PLEKHA7: variants seen among roughly 807,000 people sequenced by gnomAD.
PLEKHA7 encodes pleckstrin homology domain containing A7, also known as pleckstrin homology domain-containing family A member 7.
In PLEKHA7, 104 loss-of-function variants were observed where a neutral mutation model predicts 170.0. The ratio of observed to expected loss-of-function variants is 0.61; its 90% confidence interval spans 0.52 to 0.72. The LOEUF (loss-of-function observed/expected upper bound fraction) is 0.72, where lower values mean the gene tolerates loss of function less well. Among genes scored for constraint, PLEKHA7 ranks in the 30% least tolerant of loss-of-function variants. The pLI, the probability that PLEKHA7 is intolerant of heterozygous loss-of-function variation, is 0.00. For missense variants in PLEKHA7, 1,615 were observed against 1,671.7 expected, an observed-to-expected ratio of 0.97 and a Z score of 0.59; for synonymous variants, 648 against 660.8, an observed-to-expected ratio of 0.98 and a Z score of 0.30.
Position 16,988,993 on chromosome 11 carries a change from A to G in PLEKHA7, c.221+24996T>C, listed in dbSNP as rs1412528623. ...TTGGGAGACAAGGTTTCCAGTGCCC[A>G]TCACAGTCAACCCTTCAGAAGGACC... On this transcript the variant is annotated intron_variant, in intron 3 of 26. Transcript: ENST00000531066. Among the ~76,000 whole-genome samples, 5 of 152,306 alleles carry G rather than the reference A, an allele frequency of 3.3e-5. No individual in the cohort carries two copies. In the South Asian group the frequency reaches 6.2e-4, roughly 19 times the overall value.
chr11:17,013,777 C>T (rs1865473111), intron 3 of PLEKHA7, among the ~76,000 whole-genome samples: 1 of 152,178 alleles, frequency 6.6e-6, no homozygotes, highest in African/African-American at 2.4e-5. Context: ...CCCCCCGGCC[C>T]AGGTCCCCAG....
intron 3 of PLEKHA7, among the ~76,000 whole-genome samples, chr11:16,990,287 A>AAAAAAAAACC (rs1554992443): frequency 3.6e-5 from 4 of 111,250 alleles, no homozygotes; most frequent in Admixed American, 1.1e-4. Context: ...AAAAAAAAAA[A>AAAAAAAAACC]AAAAAAAAAA....
At chr11:16,980,718 T>C (rs1247509805) in intron 3 of PLEKHA7, among the ~76,000 whole-genome samples, 2 of 150,428 alleles carry the variant, frequency 1.3e-5, no homozygotes, top group Non-Finnish European at 1.5e-5. Context: ...AGGTCAAGAG[T>C]TGAGACCAGC....
In PLEKHA7 at chr11:17,009,828, C is replaced by T. The variant is rs550047316; in HGVS notation, c.221+4161G>A. Among the ~76,000 whole-genome samples, 4 of 152,074 alleles carry T rather than the reference C, an allele frequency of 2.6e-5. 1 individual carries two copies. In the East Asian group the frequency reaches 7.8e-4, roughly 30 times the overall value. On this transcript the variant is annotated intron_variant, in intron 3 of 26. Coordinates refer to ENST00000531066, the MANE Select transcript of PLEKHA7 (RefSeq NM_001329630.2). ...ATTTTTTGTACAGATGAGGCCTCTC[C>T]GTGTTGCCCAGGCTGATCTTGAACT...
At chr11:16,844,541 T>C (rs1356399877) in intron 8 of PLEKHA7, among the ~76,000 whole-genome samples, 1 of 152,226 alleles carries the variant, frequency 6.6e-6, no homozygotes, top group Non-Finnish European at 1.5e-5. Flanking sequence ...CCTGCCCTAG[T>C]CTCAACTCAG....
intron 3 of PLEKHA7, among the ~76,000 whole-genome samples, chr11:16,877,378 C>T (rs1378541178): frequency 6.6e-6 from 1 of 152,136 alleles, no homozygotes; most frequent in Non-Finnish European, 1.5e-5. Flanking sequence ...TCTTCTTCAC[C>T]TTCAGCTCCA....
At chr11:16,985,907 G>A (rs770396768) in intron 3 of PLEKHA7, among the ~76,000 whole-genome samples, 50 of 152,330 alleles carry the variant, frequency 3.3e-4, no homozygotes, top group Non-Finnish European at 4.7e-4. Context: ...ACAAATGAAT[G>A]AAAGCACTGC....
chr11:16,794,608 G>C lies in PLEKHA7; in HGVS notation c.2625C>G (p.Thr875=). Residue 875 remains threonine, a synonymous_variant, in exon 19 of 27, where the codon ACC becomes ACG. Coordinates refer to ENST00000531066, the MANE Select transcript of PLEKHA7 (RefSeq NM_001329630.2). ...GGGGGAAGAGTCGAACCTCCAGAGG[G>C]GTCCGCACAGGGCTGGTGGGAGGAC... ...QPSPPTSPVR[T]PLEVRLFPQL... The C allele has an allele frequency of 6.2e-7, 1 of 1,613,686 alleles. No individual in the cohort carries two copies. Among genetic ancestry groups the C allele is most frequent in the Non-Finnish European group, 8.5e-7 (1 of 1,179,822 alleles).
At chr11:16,967,021 T>A (rs1183964399) in intron 3 of PLEKHA7, among the ~76,000 whole-genome samples, 1 of 152,214 alleles carries the variant, frequency 6.6e-6, no homozygotes, top group Admixed American at 6.5e-5. Flanking sequence ...TAGGGCCTCC[T>A]GGAAAGGCCA....
intron 6 of PLEKHA7, among the ~76,000 whole-genome samples, chr11:16,854,056 G>A (rs971095996): frequency 1.4e-4 from 22 of 152,202 alleles, no homozygotes; most frequent in Admixed American, 1.3e-3. Flanking sequence ...TGAGTTCCTC[G>A]AGGGCAGGAA....
rs1204588697 is a variant in PLEKHA7 at position 16,796,120 on chromosome 11, A to G, written c.2410-1102T>C. On this transcript the variant is annotated intron_variant, in intron 17 of 26. Transcript: ENST00000531066. Reference sequence around the variant, plus strand: ...ATGATCTGCCTGCCTCGGCCTCCCAAAGTACTGGGATTACAGGCGTGAGCC... The same window carrying G: ...ATGATCTGCCTGCCTCGGCCTCCCAGAGTACTGGGATTACAGGCGTGAGCC... Among the ~76,000 whole-genome samples, 12 of 152,124 alleles carry G rather than the reference A, an allele frequency of 7.9e-5. No homozygotes were observed. In the South Asian group the frequency reaches 2.5e-3, roughly 32 times the overall value.
rs568314408 is a variant in PLEKHA7 at position 16,990,409 on chromosome 11, C to T, written c.221+23580G>A. 9.3e-4 allele frequency among the ~76,000 whole-genome samples: 142 copies of T among 152,052 alleles called. 2 individuals carry two copies. In the South Asian group the frequency reaches 0.028, roughly 30 times the overall value. ...GGCTCCACCTTATACAGCACTCGTA[C>T]CTCACCATCTGTGCTACACTTGAGG... On this transcript the variant is annotated intron_variant, in intron 3 of 26. Transcript: ENST00000531066.
At chr11:16,905,289 A>G (rs1178906002) in intron 3 of PLEKHA7, among the ~76,000 whole-genome samples, 4 of 152,140 alleles carry the variant, frequency 2.6e-5, no homozygotes, top group Non-Finnish European at 4.4e-5. Flanking sequence ...AATAAAATAA[A>G]TGTTATTTCC....
intron 6 of PLEKHA7, among the ~76,000 whole-genome samples, chr11:16,854,510 G>A (rs936219836): frequency 3.9e-5 from 6 of 152,046 alleles, no homozygotes; most frequent in Admixed American, 6.6e-5. Flanking sequence ...AAGGGGGAGA[G>A]GAAAAGATGA....
At chr11:16,962,566 T>C (rs1270854011) in intron 3 of PLEKHA7, among the ~76,000 whole-genome samples, 1 of 152,166 alleles carries the variant, frequency 6.6e-6, no homozygotes, top group East Asian at 1.9e-4. Context: ...GTTCAAGCGA[T>C]TCTCCTGCCT....
chr11:16,949,558 A>G (rs1861273479), intron 3 of PLEKHA7, among the ~76,000 whole-genome samples: 1 of 152,240 alleles, frequency 6.6e-6, no homozygotes, highest in Non-Finnish European at 1.5e-5. Context: ...GATCACACTT[A>G]GAGAACACTG....
intron 3 of PLEKHA7, among the ~76,000 whole-genome samples, chr11:16,973,531 A>C (rs974960110): frequency 1.3e-5 from 2 of 152,198 alleles, no homozygotes; most frequent in Non-Finnish European, 2.9e-5. Context: ...CATGATGTGA[A>C]AGAGTCTAAC....
At chr11:16,896,929 C>T (rs565570664) in intron 3 of PLEKHA7, among the ~76,000 whole-genome samples, 1 of 152,298 alleles carries the variant, frequency 6.6e-6, no homozygotes, top group Admixed American at 6.5e-5. Context: ...TTTGTGCACA[C>T]ACGGAGAGAA....
chr11:16,935,888 C>A (rs1860254207), intron 3 of PLEKHA7, among the ~76,000 whole-genome samples: 1 of 152,168 alleles, frequency 6.6e-6, no homozygotes, highest in Non-Finnish European at 1.5e-5. Flanking sequence ...ATGACAGATG[C>A]TTATAATGTT....
Sources: allele counts gnomAD v4.1 joint callset (sites outside exome capture counted in the v4.1 genomes callset), GRCh38; gene constraint gnomAD v4.1.1; transcripts MANE v1.5; gene names NCBI Gene and HGNC (gene_info 2026-07-23, HGNC 2026-07-21).